The following DECR1 variants were observed in gnomAD, a reference collection of about 807,000 sequenced individuals.
DECR1 encodes 2,4-dienoyl-CoA reductase [(3E)-enoyl-CoA-producing], mitochondrial.
A neutral mutation model predicts 38.8 loss-of-function variants in DECR1; 44 were observed. The ratio of observed to expected loss-of-function variants is 1.13; its 90% confidence interval spans 0.89 to 1.46. DECR1 has a LOEUF of 1.46. DECR1 is among the 40% of genes most tolerant of loss of function. The probability of loss-of-function intolerance (pLI) is 0.00; values close to 1 mark genes in which losing one functional copy is unlikely to be tolerated. For missense variants in DECR1, 428 were observed against 405.5 expected (o/e 1.06, Z -0.48); for synonymous variants, 148 against 135.2 (o/e 1.09, Z -0.66).
intron 6 of DECR1, among the ~76,000 whole-genome samples, chr8:90,041,620 C>A (rs1334675766): frequency 6.6e-6 from 1 of 152,126 alleles, no homozygotes; most frequent in Non-Finnish European, 1.5e-5. Flanking sequence ...GTATTAGAGA[C>A]AATTGTGCTT....
rs78853570 is a variant in DECR1, at chr8:90,049,840, C to T, written c.886-1837C>T. On this transcript the variant is annotated intron_variant, in intron 8 of 9. Transcript: ENST00000220764. The stretch of plus-strand genomic sequence containing the variant: ...GTACCAAAACAGAGATATAGACCAA[C>T]GGAACAGAACAGAGCCCTCAGAAAT... Among the ~76,000 whole-genome samples the T allele has an allele frequency of 7.9e-5, 12 of 152,098 alleles. No individual in the cohort carries two copies. The East Asian group carries it at 1.2e-3, about 15-fold the overall frequency.
chr8:90,031,765 C>T (rs1409849199), intron 5 of DECR1, among the ~76,000 whole-genome samples: 1 of 152,038 alleles, frequency 6.6e-6, no homozygotes, highest in African/African-American at 2.4e-5. Context: ...GAACTGCAAC[C>T]AACAGCTCAG....
chr8:90,037,883 G>A (rs530395018), intron 6 of DECR1, among the ~76,000 whole-genome samples: 67 of 152,038 alleles, frequency 4.4e-4, no homozygotes, highest in Admixed American at 7.2e-4. Context: ...TCTTCCCCCT[G>A]TATTTTGTAT....
intron 5 of DECR1, among the ~76,000 whole-genome samples, chr8:90,024,280 G>A (rs1227917840): frequency 6.6e-6 from 1 of 152,188 alleles, no homozygotes; most frequent in African/African-American, 2.4e-5. Context: ...CTAGATCCTT[G>A]AGGAATAGCC....
chr8:90,029,359 C>G (rs958329205), intron 5 of DECR1: 13 of 152,148 alleles, frequency 8.5e-5, no homozygotes, highest in African/African-American at 3.1e-4. Context: ...GTGGAAATAA[C>G]TTTTAAGAAC....
intron 6 of DECR1, 53 bp from the exon 7 acceptor site, chr8:90,042,663 GTTATTACTGTCT>G (rs756905580): frequency 8.6e-6 from 12 of 1,388,348 alleles, no homozygotes; most frequent in Non-Finnish European, 1.1e-5. Context: ...GTGAGTCTCA[GTTATTACTGTCT>G]TTAACATATG....
intron 5 of DECR1, among the ~76,000 whole-genome samples, chr8:90,023,956 G>T (rs1813233012): frequency 6.6e-6 from 1 of 152,142 alleles, no homozygotes. Context: ...CTATGAGTGA[G>T]AACATGTGGT....
chr8:90,024,586 T>C (rs1813277334), intron 5 of DECR1, among the ~76,000 whole-genome samples: 1 of 152,210 alleles, frequency 6.6e-6, no homozygotes, highest in Non-Finnish European at 1.5e-5. Flanking sequence ...TTCTTGTAAA[T>C]TTGTTTAAGT....
intron 1 of DECR1, among the ~76,000 whole-genome samples, chr8:90,003,717 G>T (rs945782653): frequency 1.3e-5 from 2 of 152,150 alleles, no homozygotes; most frequent in Non-Finnish European, 2.9e-5. Flanking sequence ...TGAGGCGGGT[G>T]GATCATTAGA....
intron 1 of DECR1, among the ~76,000 whole-genome samples, chr8:90,016,347 T>C (rs1335264949): frequency 1.3e-5 from 2 of 152,166 alleles, no homozygotes; most frequent in African/African-American, 2.4e-5. Flanking sequence ...TTTTTAAAAA[T>C]TAAATTTGGT....
chr8:90,008,834 C>A (rs1005706471), intron 1 of DECR1, among the ~76,000 whole-genome samples: 1 of 152,206 alleles, frequency 6.6e-6, no homozygotes, highest in Admixed American at 6.5e-5. Flanking sequence ...TGACTCATTA[C>A]GTCCTCATTT....
chr8:90,017,830 T>G (rs1455451932), intron 2 of DECR1, among the ~76,000 whole-genome samples: 1 of 152,214 alleles, frequency 6.6e-6, no homozygotes. Flanking sequence ...TGGTTACTGC[T>G]TTAATTAATA....
chr8:90,012,716 G>A lies in DECR1; in HGVS notation c.70-4408G>A, dbSNP rs144862320. 1.3e-3 allele frequency among the ~76,000 whole-genome samples: 196 copies of A among 152,266 alleles called. 2 individuals are homozygous for A. The highest frequency in any genetic ancestry group is 4.1e-3 in the African/African-American group (172 of 41,554). ...GTACTATAGTGATGAATATAAGGTC[G>A]TGTCCCTGGCTTCCTAAGCATCCTG... On this transcript the variant is annotated intron_variant, in intron 1 of 9. Transcript: ENST00000220764.
rs113275922 is a variant in DECR1 at position 90,019,490 on chromosome 8, A to G, written c.417+318A>G. ...TATAGTCGTATTTATACCCACTTTTAATTGCCTGCAAATTAATTAGGTTTA... is the reference window on the plus strand; with the variant it reads ...TATAGTCGTATTTATACCCACTTTTGATTGCCTGCAAATTAATTAGGTTTA... On this transcript the variant is annotated intron_variant, in intron 4 of 9. Transcript: ENST00000220764. 7.3e-3 allele frequency among the ~76,000 whole-genome samples: 1,108 copies of G among 152,306 alleles called. 11 individuals carry two copies. The highest frequency in any genetic ancestry group is 0.025 in the African/African-American group (1,059 of 41,558).
chr8:90,049,776 T>C (rs576448585), intron 8 of DECR1, among the ~76,000 whole-genome samples: 1 of 152,256 alleles, frequency 6.6e-6, no homozygotes, highest in African/African-American at 2.4e-5. Flanking sequence ...GACTTCAAAC[T>C]ATACTACAAG....
chr8:90,032,569 G>T (rs183286364), intron 5 of DECR1, among the ~76,000 whole-genome samples: 2 of 152,228 alleles, frequency 1.3e-5, no homozygotes, highest in East Asian at 3.9e-4. Context: ...AGGAATTAGG[G>T]CATGGGATCT....
At position 90,044,911 on chromosome 8, in the gene DECR1, C is replaced by T; in HGVS notation, c.801C>T (p.Pro267=). The change falls in exon 8 of 10, where the codon CCC becomes CCT. Residue 267 remains proline, a synonymous_variant. Coordinates refer to ENST00000220764, the MANE Select transcript of DECR1 (RefSeq NM_001359.2). ...AGAAAGAAATGATTGGCAGAATTCC[C>T]TGTGGTCGCCTGGGGACTGTAGAAG... is the stretch of plus-strand genomic sequence containing the variant. ...TFEKEMIGRI[P]CGRLGTVEEL... The T allele has an allele frequency of 6.2e-7, 1 of 1,613,422 alleles. No homozygotes were observed. Among genetic ancestry groups the T allele is most frequent in the Non-Finnish European group, 8.5e-7 (1 of 1,179,570 alleles).
chr8:90,048,434 A>G (rs1224074229), intron 8 of DECR1, among the ~76,000 whole-genome samples: 3 of 152,220 alleles, frequency 2.0e-5, no homozygotes, highest in Non-Finnish European at 4.4e-5. Context: ...TAGAAAATCT[A>G]GAAGAAATGG....
At chr8:90,045,550 C>T (rs2130164307) in intron 8 of DECR1, among the ~76,000 whole-genome samples, 1 of 152,272 alleles carries the variant, frequency 6.6e-6, no homozygotes, top group South Asian at 2.1e-4. Flanking sequence ...CTGGGTGGAG[C>T]CCACCACAGC....
Sources: allele counts gnomAD v4.1 joint callset (sites outside exome capture counted in the v4.1 genomes callset), GRCh38; gene constraint gnomAD v4.1.1; transcripts MANE v1.5; gene names NCBI Gene and HGNC (gene_info 2026-07-23, HGNC 2026-07-21).